Variants in PTPRM observed in about 807,000 individuals in gnomAD.
PTPRM encodes the protein protein tyrosine phosphatase receptor type M, also known as receptor-type tyrosine-protein phosphatase mu.
In PTPRM, 47 loss-of-function variants were observed where a neutral mutation model predicts 186.7. That is an observed-to-expected ratio of 0.25 (90% CI 0.20 to 0.32). The LOEUF (loss-of-function observed/expected upper bound fraction) is 0.32. Ranked by LOEUF, PTPRM falls within the 10% of genes least tolerant of loss-of-function variation. PTPRM has a pLI of 1.00. For missense variants in PTPRM, 1,494 were observed against 1,865.0 expected (o/e 0.80, Z 3.66); for synonymous variants, 668 against 674.9 (o/e 0.99, Z 0.16).
chr18:7,766,928 C>T lies in PTPRM; in HGVS notation c.74-7221C>T, dbSNP rs374655513. 5.3e-5 allele frequency among the ~76,000 whole-genome samples: 8 copies of T among 152,192 alleles called. No homozygotes were observed. The East Asian group carries it at 1.2e-3, about 22-fold the overall frequency. ...ATTAGGTAATACATGTTTATATTTGCATGGCTTTTGTTCTGTAACATGTTA... is the reference window on the plus strand; with the variant it reads ...ATTAGGTAATACATGTTTATATTTGTATGGCTTTTGTTCTGTAACATGTTA... On this transcript the variant is annotated intron_variant, in intron 1 of 32. Transcript: ENST00000580170.
intron 19 of PTPRM, among the ~76,000 whole-genome samples, chr18:8,269,841 A>C (rs2094748290): frequency 1.3e-5 from 2 of 152,048 alleles, no homozygotes; most frequent in African/African-American, 4.8e-5. Flanking sequence ...CATGCAAAAG[A>C]ATGAAATTGG....
At chr18:7,752,661 T>C (rs944052687) in intron 1 of PTPRM, among the ~76,000 whole-genome samples, 3 of 152,092 alleles carry the variant, frequency 2.0e-5, no homozygotes, top group Non-Finnish European at 2.9e-5. Flanking sequence ...CAGGCTGGTC[T>C]TGAACTCCTG....
chr18:7,626,681 G>A (rs2038070107), intron 1 of PTPRM, among the ~76,000 whole-genome samples: 1 of 152,048 alleles, frequency 6.6e-6, no homozygotes, highest in Non-Finnish European at 1.5e-5. Context: ...ATTGTACACT[G>A]GGGTTATCTG....
intron 2 of PTPRM, among the ~76,000 whole-genome samples, chr18:7,861,541 C>T (rs2047380290): frequency 6.6e-6 from 1 of 152,024 alleles, no homozygotes; most frequent in Non-Finnish European, 1.5e-5. Flanking sequence ...TGAAATGACC[C>T]TAAAAGTTCT....
chr18:7,728,314 A>C (rs891756857), intron 1 of PTPRM, among the ~76,000 whole-genome samples: 2 of 152,172 alleles, frequency 1.3e-5, no homozygotes, highest in African/African-American at 4.8e-5. Context: ...AAGCACATGG[A>C]CACATTGAAG....
In PTPRM at chr18:7,567,902, C is replaced by T; in HGVS notation, c.73+11C>T. 2 of 1,540,538 alleles carry T rather than the reference C, an allele frequency of 1.3e-6. No individual in the cohort carries two copies. On this transcript the variant is annotated intron_variant, in intron 1 of 32. Transcript: ENST00000580170. The surrounding 1 kb of genome is among the most constrained non-coding windows in gnomAD (Gnocchi z 4.3). The stretch of plus-strand genomic sequence containing the variant: ...GCGAGACGTTCTCAGGTAAGCGGGA[C>T]CGCCTCTGCCGCCCCCGAGGCGCGC...
intron 2 of PTPRM, among the ~76,000 whole-genome samples, chr18:7,851,449 C>T (rs888468083): frequency 2.6e-5 from 4 of 152,002 alleles, no homozygotes; most frequent in African/African-American, 9.7e-5. Context: ...TAAAAGCAGC[C>T]AGAGAAGAAA....
At chr18:8,346,808 G>GA (rs113755307) in intron 23 of PTPRM, among the ~76,000 whole-genome samples, 146,566 of 148,760 alleles carry the variant, frequency 0.99, 72,238 homozygotes, top group East Asian at 1. Flanking sequence ...AATGACTATT[G>GA]AAAAAAAAAA....
chr18:8,069,705 A>G lies in PTPRM; in HGVS notation c.1152A>G (p.Arg384=), dbSNP rs1343195914. ...TKCADPMRGP[R]KLEVVEVKSR... ...AAATAGATCCCATGCGAGGCCCAAGAAAACTAGAAGTAGTGGAGGTCAAAT... is the reference window on the plus strand; with the variant it reads ...AAATAGATCCCATGCGAGGCCCAAGGAAACTAGAAGTAGTGGAGGTCAAAT... The change falls in exon 8 of 33, where the codon AGA becomes AGG. Residue 384 remains arginine (R), a synonymous_variant. Transcript: ENST00000580170. 1.2e-6 allele frequency: 2 copies of G among 1,612,840 alleles called. No individual in the cohort carries two copies. The highest frequency in any genetic ancestry group is 2.2e-5 in the South Asian group (2 of 91,048).
At chr18:7,852,690 TA>T (rs928763985) in intron 2 of PTPRM, among the ~76,000 whole-genome samples, 4 of 150,170 alleles carry the variant, frequency 2.7e-5, no homozygotes, top group African/African-American at 7.4e-5. Flanking sequence ...CTCTCAAAAA[TA>T]AAAAAAAGAA....
chr18:7,820,124 C>T (rs1468495399), intron 2 of PTPRM, among the ~76,000 whole-genome samples: 1 of 145,942 alleles, frequency 6.9e-6, no homozygotes, highest in African/African-American at 2.6e-5. Flanking sequence ...CTTACAAGAC[C>T]TCTTGTTGTG....
chr18:7,824,566 T>C (rs1006919666), intron 2 of PTPRM, among the ~76,000 whole-genome samples: 2 of 152,240 alleles, frequency 1.3e-5, no homozygotes, highest in African/African-American at 4.8e-5. Flanking sequence ...CTCTTCTTTT[T>C]CTATTTACTT....
At chr18:8,183,811 T>C (rs1347904741) in intron 14 of PTPRM, among the ~76,000 whole-genome samples, 3 of 152,198 alleles carry the variant, frequency 2.0e-5, no homozygotes, top group Non-Finnish European at 4.4e-5. Flanking sequence ...GTTTACATCC[T>C]CAACCTCAGA....
At chr18:7,949,091 A>G (rs1029708126) in intron 5 of PTPRM, 90 bp from the exon 6 acceptor site, 2 of 1,275,210 alleles carry the variant, frequency 1.6e-6, no homozygotes, top group Non-Finnish European at 2.2e-6. Flanking sequence ...GCATGAAAAC[A>G]GCATGGATAA....
chr18:7,886,206 A>G (rs2146331178), intron 2 of PTPRM, among the ~76,000 whole-genome samples: 1 of 152,346 alleles, frequency 6.6e-6, no homozygotes. Flanking sequence ...CTATTTCACT[A>G]AGAGCAGGAA....
chr18:8,076,656 T>G (rs2089835759), intron 9 of PTPRM, 92 bp downstream of exon 9: 6 of 610,924 alleles, frequency 9.8e-6, no homozygotes, highest in Non-Finnish European at 1.7e-5. Context: ...CATACTTACA[T>G]AATATATTTT....
At chr18:7,913,836 A>G (rs553087702) in intron 4 of PTPRM, among the ~76,000 whole-genome samples, 11 of 152,300 alleles carry the variant, frequency 7.2e-5, no homozygotes, top group African/African-American at 2.6e-4. Flanking sequence ...TAAAAAAGAG[A>G]TAAAGCCCTT....
At chr18:7,873,372 T>C (rs1318093904) in intron 2 of PTPRM, among the ~76,000 whole-genome samples, 1 of 152,204 alleles carries the variant, frequency 6.6e-6, no homozygotes, top group Non-Finnish European at 1.5e-5. Flanking sequence ...GAAACCTTGA[T>C]TATATGTTAG....
At chr18:8,040,323 A>G (rs1441253368) in intron 7 of PTPRM, among the ~76,000 whole-genome samples, 2 of 152,158 alleles carry the variant, frequency 1.3e-5, no homozygotes, top group South Asian at 2.1e-4. Context: ...GTGATTACCC[A>G]GGTCCAGGGG....
Sources: allele counts gnomAD v4.1 joint callset (sites outside exome capture counted in the v4.1 genomes callset), GRCh38; gene constraint gnomAD v4.1.1; non-coding constraint Gnocchi (gnomAD v3.1); transcripts MANE v1.5; gene names NCBI Gene and HGNC (gene_info 2026-07-23, HGNC 2026-07-21).